Variants in LHFPL3 observed in about 807,000 individuals in gnomAD.
The protein encoded by LHFPL3 is LHFPL tetraspan subfamily member 3, also known as LHFPL tetraspan subfamily member 3 protein.
LHFPL3 carries 5 observed loss-of-function variants against 19.3 expected under a neutral mutation model. The observed-to-expected ratio is 0.26, with a 90% CI of 0.14 to 0.54. The LOEUF (loss-of-function observed/expected upper bound fraction) is 0.54, where lower values mean the gene tolerates loss of function less well. Ranked by LOEUF, LHFPL3 falls within the 20% of genes least tolerant of loss-of-function variation. The probability of loss-of-function intolerance (pLI) is 0.94; values close to 1 mark genes in which losing one functional copy is unlikely to be tolerated. For synonymous variants in LHFPL3, 133 were observed against 126.2 expected, an observed-to-expected ratio of 1.05 and a Z score of -0.36; for missense variants, 249 against 307.4, an observed-to-expected ratio of 0.81 and a Z score of 1.42.
intron 1 of LHFPL3, among the ~76,000 whole-genome samples, chr7:104,529,198 C>A (rs1401559805): frequency 6.6e-6 from 1 of 152,184 alleles, no homozygotes; most frequent in Non-Finnish European, 1.5e-5. Flanking sequence ...GAATGTGATG[C>A]TCTGATTGGC....
intron 1 of LHFPL3, among the ~76,000 whole-genome samples, chr7:104,605,871 GA>G (rs11443804): frequency 4.7e-5 from 7 of 147,484 alleles, no homozygotes; most frequent in African/African-American, 1.7e-4. Flanking sequence ...ATGATGGTCT[GA>G]AAAAAAAAAA....
chr7:104,473,572 T>C (rs1233678227), intron 1 of LHFPL3, among the ~76,000 whole-genome samples: 3 of 152,260 alleles, frequency 2.0e-5, no homozygotes, highest in African/African-American at 7.2e-5. Context: ...ATTTGGGCTC[T>C]GGGAGTCAGA....
rs1792652278 is a variant in LHFPL3 at position 104,907,998 on chromosome 7, C to A, written c.*1783C>A. Among the ~76,000 whole-genome samples, 1 of 152,184 alleles carries A rather than the reference C, an allele frequency of 6.6e-6. No homozygotes were observed. The highest frequency in any genetic ancestry group is 2.1e-4 in the South Asian group (1 of 4,826). ...TAGTCATTCTGAGGATTATTTGTTG[C>A]TTTAAGTATTAGCTCCCTACTACAT... On this transcript the variant is annotated 3_prime_UTR_variant, in exon 3 of 3. Transcript: ENST00000424859.
intron 1 of LHFPL3, among the ~76,000 whole-genome samples, chr7:104,354,850 T>C (rs1308198461): frequency 6.6e-6 from 1 of 152,148 alleles, no homozygotes; most frequent in African/African-American, 2.4e-5. Flanking sequence ...TTCAATAATA[T>C]ATCTTAATAT....
intron 2 of LHFPL3, among the ~76,000 whole-genome samples, chr7:104,888,699 C>T (rs1019236718): frequency 2.6e-5 from 4 of 152,198 alleles, no homozygotes; most frequent in South Asian, 2.1e-4. Flanking sequence ...TAAGTAGATA[C>T]GTTATACCTC....
At chr7:104,573,633 T>A (rs926656111) in intron 1 of LHFPL3, among the ~76,000 whole-genome samples, 3 of 152,204 alleles carry the variant, frequency 2.0e-5, no homozygotes, top group African/African-American at 7.2e-5. Flanking sequence ...CATCAGTCGC[T>A]GCAATGGCTC....
chr7:104,778,885 G>C (rs1326792995), intron 2 of LHFPL3, among the ~76,000 whole-genome samples: 1 of 152,220 alleles, frequency 6.6e-6, no homozygotes, highest in Non-Finnish European at 1.5e-5. Context: ...GAAGGGTTCA[G>C]TTAAACAGAA....
chr7:104,456,148 C>T lies in LHFPL3; in HGVS notation c.445+126924C>T, dbSNP rs145592938. ...TACTCTACAAATAATGAAAGAATAA[C>T]GTAACTATGTATATACCTTTAATTT... On this transcript the variant is annotated intron_variant, in intron 1 of 2. Transcript: ENST00000424859. Among the ~76,000 whole-genome samples, 217 of 152,156 alleles carry T rather than the reference C, an allele frequency of 1.4e-3. 2 individuals carry two copies. Among genetic ancestry groups the T allele is most frequent in the African/African-American group, 5.0e-3 (207 of 41,514 alleles).
Position 104,430,711 on chromosome 7 carries a change from G to A in LHFPL3, c.445+101487G>A, listed in dbSNP as rs896930613. ...TCTCAATCTCCTGACCTCATGATCC[G>A]CCCACCTCGGCCTCCCAAAGTGCTG... On this transcript the variant is annotated intron_variant, in intron 1 of 2. Coordinates refer to ENST00000424859, the MANE Select transcript of LHFPL3 (RefSeq NM_199000.3). Among the ~76,000 whole-genome samples, 9 of 150,932 alleles carry A rather than the reference G, an allele frequency of 6.0e-5. No homozygotes were observed. The East Asian group carries it at 1.4e-3, about 23-fold the overall frequency.
intron 1 of LHFPL3, among the ~76,000 whole-genome samples, chr7:104,479,351 CT>C (rs1406572555): frequency 6.6e-6 from 1 of 151,822 alleles, no homozygotes; most frequent in African/African-American, 2.4e-5. Flanking sequence ...ACATCCTGGA[CT>C]ACTGTGAGAT....
intron 1 of LHFPL3, among the ~76,000 whole-genome samples, chr7:104,543,553 G>A (rs983187714): frequency 6.6e-6 from 1 of 151,708 alleles, no homozygotes; most frequent in African/African-American, 2.4e-5. Context: ...AGAAAATGTG[G>A]CACATATACA....
In LHFPL3 at chr7:104,668,989, C is replaced by A. The variant is rs776267134; in HGVS notation, c.446-67686C>A. On this transcript the variant is annotated intron_variant, in intron 1 of 2. Coordinates refer to ENST00000424859, the MANE Select transcript of LHFPL3 (RefSeq NM_199000.3). ...AAGTGAAGAAACTCAGGAACGGGAACGGTCGAGGACAGGAAGTGAGTCATC... is the reference window on the plus strand; with the variant it reads ...AAGTGAAGAAACTCAGGAACGGGAAAGGTCGAGGACAGGAAGTGAGTCATC... The A allele has an allele frequency of 3.1e-6, 5 of 1,612,044 alleles. No homozygotes were observed. In the African/African-American group the frequency reaches 4.0e-5, roughly 13 times the overall value.
intron 1 of LHFPL3, among the ~76,000 whole-genome samples, chr7:104,370,476 C>T (rs757730582): frequency 6.6e-6 from 1 of 152,152 alleles, no homozygotes; most frequent in Non-Finnish European, 1.5e-5. Flanking sequence ...ATGTGACTTC[C>T]AGAGTCCCAG....
At chr7:104,801,760 C>A (rs111970864) in intron 2 of LHFPL3, among the ~76,000 whole-genome samples, 1 of 151,902 alleles carries the variant, frequency 6.6e-6, no homozygotes, top group African/African-American at 2.4e-5. Flanking sequence ...TTAGTAGAGA[C>A]GGGGTTTCAC....
At chr7:104,762,261 C>T (rs141382265) in intron 2 of LHFPL3, among the ~76,000 whole-genome samples, 56 of 151,832 alleles carry the variant, frequency 3.7e-4, no homozygotes, top group East Asian at 1.5e-3. Flanking sequence ...CTACAAGTGA[C>T]GAGAAAAAGG....
chr7:104,825,339 T>C (rs1326886613), intron 2 of LHFPL3, among the ~76,000 whole-genome samples: 1 of 151,840 alleles, frequency 6.6e-6, no homozygotes, highest in Non-Finnish European at 1.5e-5. Context: ...CCATCACACA[T>C]CAGCTGCTCT....
chr7:104,556,303 C>T (rs79430601), intron 1 of LHFPL3, among the ~76,000 whole-genome samples: 16 of 152,098 alleles, frequency 1.1e-4, no homozygotes, highest in African/African-American at 3.9e-4. Context: ...GGGTCCCCCC[C>T]CTGCAGCAAA....
chr7:104,432,547 A>G (rs887262178), intron 1 of LHFPL3, among the ~76,000 whole-genome samples: 2 of 152,120 alleles, frequency 1.3e-5, no homozygotes, highest in South Asian at 4.2e-4. Flanking sequence ...AAAGGCCTCA[A>G]TTGCCACCTA....
At chr7:104,846,897 T>G (rs2116605072) in intron 2 of LHFPL3, among the ~76,000 whole-genome samples, 1 of 152,352 alleles carries the variant, frequency 6.6e-6, no homozygotes, top group Non-Finnish European at 1.5e-5. Flanking sequence ...CTGAGTAACC[T>G]CAGGCTGTTT....
Sources: allele counts gnomAD v4.1 joint callset (sites outside exome capture counted in the v4.1 genomes callset), GRCh38; gene constraint gnomAD v4.1.1; transcripts MANE v1.5; gene names NCBI Gene and HGNC (gene_info 2026-07-23, HGNC 2026-07-21).